CFH: variants seen among roughly 807,000 people sequenced by gnomAD.
CFH encodes the protein complement factor H.
In CFH, 53 loss-of-function variants were observed where a neutral mutation model predicts 147.3. That is an observed-to-expected ratio of 0.36 (90% CI 0.29 to 0.45). CFH has a LOEUF of 0.45. Among genes scored for constraint, CFH ranks in the 20% least tolerant of loss-of-function variants. CFH has a pLI of 1.00. For missense variants in CFH, 1,380 were observed against 1,498.0 expected (o/e 0.92, Z 1.30); for synonymous variants, 536 against 489.4 (o/e 1.10, Z -1.26).
intron 9 of CFH, among the ~76,000 whole-genome samples, chr1:196,692,746 T>TTTCTTTC (rs1668086925): frequency 2.4e-5 from 1 of 41,750 alleles, no homozygotes; most frequent in Non-Finnish European, 4.4e-5. Context: ...CTTCCTTTCT[T>TTTCTTTC]TTTCTTTCTT....
intron 1 of CFH, among the ~76,000 whole-genome samples, chr1:196,670,836 T>A (rs1460940951): frequency 1.3e-5 from 2 of 152,188 alleles, no homozygotes; most frequent in Non-Finnish European, 2.9e-5. Flanking sequence ...TGAGCTGATT[T>A]CTTTCATCAA....
chr1:196,687,533 A>T (rs1461663792), intron 7 of CFH, among the ~76,000 whole-genome samples: 1 of 152,024 alleles, frequency 6.6e-6, no homozygotes, highest in Admixed American at 6.6e-5. Flanking sequence ...CCATAATAAG[A>T]TGGATACTCA....
chr1:196,676,297 G>A (rs1027336432), intron 4 of CFH, among the ~76,000 whole-genome samples: 7 of 151,938 alleles, frequency 4.6e-5, no homozygotes, highest in Non-Finnish European at 1.0e-4. Context: ...AGACATTAAG[G>A]AATCTAAAAC....
Position 196,652,158 on chromosome 1 carries a change from C to T in CFH, c.41C>T (p.Ala14Val), listed in dbSNP as rs749713710. The T allele has an allele frequency of 1.9e-6, 3 of 1,611,460 alleles. No individual in the cohort carries two copies. The South Asian group carries it at 3.3e-5, about 18-fold the overall frequency. ...AAGATTATTTGCCTTATGTTATGGG[C>T]TATTTGTGTAGCAGAAGGTAAGATT... is the stretch of plus-strand genomic sequence containing the variant. The part of the protein sequence containing the change: ...LAKIICLMLW[A>V]ICVAEDCNEL... The change falls in exon 1 of 22, where the codon GCT (alanine) becomes GTT (valine). Residue 14 changes from alanine (A) to valine (V), a missense_variant. Physicochemically the swap from Ala to Val is moderately conservative, Grantham distance 64. Coordinates refer to ENST00000367429, the MANE Select transcript of CFH (RefSeq NM_000186.4).
At chr1:196,700,647 C>A (rs1211393448) in intron 9 of CFH, among the ~76,000 whole-genome samples, 1 of 144,522 alleles carries the variant, frequency 6.9e-6, no homozygotes, top group Non-Finnish European at 1.5e-5. Context: ...GATTGAGATT[C>A]CGTCTCAAAA....
intron 12 of CFH, among the ~76,000 whole-genome samples, chr1:196,725,892 G>A (rs1669125656): frequency 6.6e-6 from 1 of 152,204 alleles, no homozygotes; most frequent in Non-Finnish European, 1.5e-5. Context: ...AAACACTGGG[G>A]ATGAAGTTTC....
At position 196,696,881 on chromosome 1, in the gene CFH, C is replaced by A. The variant is rs184451872; in HGVS notation, c.1336+6642C>A. On this transcript the variant is annotated intron_variant, in intron 9 of 21. Coordinates refer to ENST00000367429, the MANE Select transcript of CFH (RefSeq NM_000186.4). The stretch of plus-strand genomic sequence containing the variant: ...CCACAACCATCTGATCTTTGACAAA[C>A]CTGAGAAAAACAAGAAATGGGAAAA... Among the ~76,000 whole-genome samples the A allele has an allele frequency of 3.7e-3, 562 of 152,184 alleles. 7 individuals carry two copies. Among genetic ancestry groups the A allele is most frequent in the African/African-American group, 0.012 (518 of 41,510 alleles).
chr1:196,696,269 C>T (rs1352278143), intron 9 of CFH, among the ~76,000 whole-genome samples: 1 of 152,082 alleles, frequency 6.6e-6, no homozygotes, highest in Non-Finnish European at 1.5e-5. Context: ...TCTCTCAGAC[C>T]ACAGTGAAAT....
At chr1:196,731,016 T>C (rs1019722607) in intron 15 of CFH, among the ~76,000 whole-genome samples, 3 of 151,896 alleles carry the variant, frequency 2.0e-5, no homozygotes, top group African/African-American at 7.2e-5. Flanking sequence ...ATATTAATTT[T>C]TGATTTATTT....
chr1:196,712,931 A>G (rs1408099738), intron 9 of CFH, among the ~76,000 whole-genome samples: 2 of 151,692 alleles, frequency 1.3e-5, no homozygotes, highest in Non-Finnish European at 2.9e-5. Flanking sequence ...CCATGTCCCT[A>G]CAAAGGACAT....
chr1:196,709,474 C>T (rs1668673904), intron 9 of CFH, among the ~76,000 whole-genome samples: 1 of 152,000 alleles, frequency 6.6e-6, no homozygotes, highest in Non-Finnish European at 1.5e-5. Context: ...GGCCATTGCC[C>T]GATTCATACC....
intron 1 of CFH, 55 bp from the exon 2 acceptor site, chr1:196,672,923 T>C (rs1381646915): frequency 6.9e-7 from 1 of 1,446,436 alleles, no homozygotes; most frequent in Non-Finnish European, 9.6e-7. Context: ...TACCTAAATA[T>C]ACTGTACATT....
intron 4 of CFH, among the ~76,000 whole-genome samples, chr1:196,676,769 C>A (rs1667472180): frequency 6.6e-6 from 1 of 152,022 alleles, no homozygotes; most frequent in Admixed American, 6.6e-5. Context: ...AAGATTTTTT[C>A]ATCTATGAAA....
At position 196,728,445 on chromosome 1, in the gene CFH, A is replaced by T; in HGVS notation, c.2336A>T (p.Tyr779Phe). Residue 779 changes from tyrosine (Y) to phenylalanine (F), a missense_variant, in exon 15 of 22, where the codon TAC becomes TTC. Tyr to Phe is a conservative substitution (Grantham distance 22). Transcript: ENST00000367429. ...TTCGATCATAATTCTAACATAAGGT[A>T]CAGATGTAGAGGAAAAGAAGGATGG... ...KEFDHNSNIR[Y>F]RCRGKEGWIH... 3 of 1,612,400 alleles carry T rather than the reference A, an allele frequency of 1.9e-6. No individual in the cohort carries two copies. The highest frequency in any genetic ancestry group is 2.5e-6 in the Non-Finnish European group (3 of 1,178,802).
At chr1:196,679,595 A>G (rs1573015476) in intron 5 of CFH, 28 bp from the exon 6 acceptor site, 1 of 1,524,280 alleles carries the variant, frequency 6.6e-7, no homozygotes, top group Non-Finnish European at 9.1e-7. Flanking sequence ...TGCAATAAAC[A>G]TTTTGGAATT....
chr1:196,685,386 C>A, intron 7 of CFH, 149 bp downstream of exon 7: 2 of 795,220 alleles, frequency 2.5e-6, no homozygotes, highest in Non-Finnish European at 4.2e-6. Context: ...TCGAAGTTGC[C>A]GAAACTCATA....
rs1647991949 is a variant in CFH at position 196,652,073 on chromosome 1, G to A, written c.-45G>A. ...TCTTGGAAGAGGAGAACTGGACGTTGTGAACAGAGTTAGCTGGTAAATGTC... is the reference window on the plus strand; with the variant it reads ...TCTTGGAAGAGGAGAACTGGACGTTATGAACAGAGTTAGCTGGTAAATGTC... On this transcript the variant is annotated 5_prime_UTR_variant, in exon 1 of 22. In the 5' UTR this introduces an upstream ATG that the reference lacks. Coordinates refer to ENST00000367429, the MANE Select transcript of CFH (RefSeq NM_000186.4). 7.4e-7 allele frequency: 1 copy of A among 1,349,416 alleles called. No individual in the cohort carries two copies. Among genetic ancestry groups the A allele is most frequent in the African/African-American group, 1.4e-5 (1 of 69,838 alleles). 83.6% of individuals were successfully genotyped at this position (1,349,416 alleles called of 1,614,324 possible).
chr1:196,702,573 G>A (rs1368134959), intron 9 of CFH, among the ~76,000 whole-genome samples: 2 of 149,714 alleles, frequency 1.3e-5, no homozygotes, highest in Admixed American at 1.3e-4. Context: ...ATTCTCCTCT[G>A]TATTTGCCAC....
chr1:196,661,535 T>C (rs1280491200), intron 1 of CFH, among the ~76,000 whole-genome samples: 1 of 152,188 alleles, frequency 6.6e-6, no homozygotes, highest in African/African-American at 2.4e-5. Context: ...GGCTGTGTCC[T>C]CCAATGATGA....
Sources: allele counts gnomAD v4.1 joint callset (sites outside exome capture counted in the v4.1 genomes callset), GRCh38; gene constraint gnomAD v4.1.1; transcripts MANE v1.5; gene names NCBI Gene and HGNC (gene_info 2026-07-23, HGNC 2026-07-21).